Variants in CLDN10 observed in about 807,000 individuals in gnomAD.
CLDN10 encodes the protein claudin-10.
Under a neutral mutation model 22.9 loss-of-function variants are expected in CLDN10, and 15 were observed. That is an observed-to-expected ratio of 0.65 (90% confidence interval 0.44 to 1.01). The LOEUF is 1.01. Among genes scored for constraint, CLDN10 ranks in the 50% least tolerant of loss-of-function variants. The probability of loss-of-function intolerance (pLI) is 0.00; values close to 1 mark genes in which losing one functional copy is unlikely to be tolerated. For missense variants in CLDN10, 247 were observed against 287.8 expected (o/e 0.86, Z 1.03); for synonymous variants, 114 against 111.4 (o/e 1.02, Z -0.15).
chr13:95,434,252 T>A (rs1024727478), intron 1 of CLDN10, among the ~76,000 whole-genome samples: 4 of 152,106 alleles, frequency 2.6e-5, no homozygotes, highest in Admixed American at 6.5e-5. Context: ...GATGTAAGAA[T>A]AACCTTACAG....
At position 95,577,273 on chromosome 13, in the gene CLDN10, C is replaced by T. The variant is rs766469952; in HGVS notation, c.507C>T (p.Ala169=). ...CTCTGTTTATTGGATGGGCAGGAGC[C>T]TCACTGTGCATAATTGGTGGTGTCA... ...GAALFIGWAG[A]SLCIIGGVIF... Residue 169 remains alanine (A), a synonymous_variant, in exon 4 of 5, where the codon GCC becomes GCT. Transcript: ENST00000299339. The T allele has an allele frequency of 3.7e-5, 59 of 1,614,006 alleles. No individual in the cohort carries two copies. The highest frequency in any genetic ancestry group is 4.7e-5 in the Non-Finnish European group (56 of 1,180,014).
Position 95,467,854 on chromosome 13 carries a change from G to A in CLDN10, c.214+33807G>A, listed in dbSNP as rs1375933325. 2.0e-5 allele frequency among the ~76,000 whole-genome samples: 3 copies of A among 152,172 alleles called. No homozygotes were observed. The East Asian group carries it at 5.8e-4, about 29-fold the overall frequency. ...GCAGGCTCAAAACTCAGGAAGAGCT[G>A]ATGTTTCAGTTCTGGTTCAAAGACA... On this transcript the variant is annotated intron_variant, in intron 1 of 4. Coordinates refer to the CLDN10 transcript ENST00000376873.
intron 3 of CLDN10, among the ~76,000 whole-genome samples, chr13:95,572,575 A>C (rs1348134900): frequency 6.6e-6 from 1 of 152,240 alleles, no homozygotes; most frequent in Non-Finnish European, 1.5e-5. Flanking sequence ...ATGAGCTGAC[A>C]GTAATAGTAG....
At chr13:95,508,705 T>C (rs2043064960) in intron 1 of CLDN10, among the ~76,000 whole-genome samples, 1 of 152,214 alleles carries the variant, frequency 6.6e-6, no homozygotes, top group Non-Finnish European at 1.5e-5. Context: ...CTGGACATCA[T>C]GGGAGACTTC....
At chr13:95,562,192 G>A (rs1018248221) in intron 3 of CLDN10, among the ~76,000 whole-genome samples, 5 of 151,572 alleles carry the variant, frequency 3.3e-5, no homozygotes, top group African/African-American at 4.9e-5. Flanking sequence ...TCAGCCTCCC[G>A]AAGTGCTGGG....
At position 95,552,989 on chromosome 13, in the gene CLDN10, GC is replaced by G; in HGVS notation, c.220+21del. ...GCGCTGGACGGTCTGCATCCCCGCGGCCCCCGCCCTCAGCCCTCCTTCCTTG... is the reference window on the plus strand; with the variant it reads ...GCGCTGGACGGTCTGCATCCCCGCGGCCCCGCCCTCAGCCCTCCTTCCTTG... On this transcript the variant is annotated intron_variant, in intron 1 of 4. Coordinates refer to ENST00000299339, the MANE Select transcript of CLDN10 (RefSeq NM_006984.5). The G allele has an allele frequency of 6.2e-7, 1 of 1,612,602 alleles. No homozygotes were observed. Among genetic ancestry groups the G allele is most frequent in the Non-Finnish European group, 8.5e-7 (1 of 1,179,646 alleles).
At chr13:95,458,892 G>A (rs1232344691) in intron 1 of CLDN10, among the ~76,000 whole-genome samples, 2 of 152,094 alleles carry the variant, frequency 1.3e-5, no homozygotes, top group African/African-American at 2.4e-5. Flanking sequence ...TTCCACCTAT[G>A]AGCCTGTAAA....
chr13:95,519,961 A>G (rs946483826), intron 1 of CLDN10, among the ~76,000 whole-genome samples: 14 of 152,244 alleles, frequency 9.2e-5, no homozygotes, highest in Admixed American at 1.3e-4. Context: ...GTGCAAAGAA[A>G]GAGTTGCTCA....
chr13:95,449,023 AC>A (rs1251696466), intron 1 of CLDN10, among the ~76,000 whole-genome samples: 6 of 151,630 alleles, frequency 4.0e-5, no homozygotes, highest in African/African-American at 1.5e-4. Context: ...ATAGGCATGA[AC>A]CACCGTGCCC....
At chr13:95,528,104 C>G (rs34907341) in intron 1 of CLDN10, among the ~76,000 whole-genome samples, 15,148 of 152,128 alleles carry the variant, frequency 0.1, 926 homozygotes, top group Middle Eastern at 0.13. Context: ...TATAATGCCA[C>G]CATATACAAG....
intron 3 of CLDN10, among the ~76,000 whole-genome samples, chr13:95,571,264 T>C (rs2043855864): frequency 2.0e-5 from 3 of 152,142 alleles, no homozygotes; most frequent in Non-Finnish European, 4.4e-5. Context: ...ATAATGGGCA[T>C]ATGTCTGTTA....
chr13:95,571,313 C>A (rs149131345), intron 3 of CLDN10, among the ~76,000 whole-genome samples: 4,753 of 152,160 alleles, frequency 0.031, 145 homozygotes, highest in Middle Eastern at 0.075. Flanking sequence ...TGTTTAGGTA[C>A]CCCCTCCCAA....
chr13:95,482,840 A>G (rs7328095), intron 1 of CLDN10, among the ~76,000 whole-genome samples: 89,874 of 151,644 alleles, frequency 0.59, 27,835 homozygotes, highest in African/African-American at 0.79. Flanking sequence ...TTAGCTTGGC[A>G]TGGTGGCGTG....
At chr13:95,444,338 T>A (rs2042352050) in intron 1 of CLDN10, among the ~76,000 whole-genome samples, 1 of 152,206 alleles carries the variant, frequency 6.6e-6, no homozygotes, top group Admixed American at 6.5e-5. Flanking sequence ...AGGCAGCAGG[T>A]CTACAATTAA....
At chr13:95,566,545 C>T (rs1350354178) in intron 3 of CLDN10, among the ~76,000 whole-genome samples, 1 of 152,130 alleles carries the variant, frequency 6.6e-6, no homozygotes. Flanking sequence ...GGGTAGATTG[C>T]AAAAATTTTC....
At chr13:95,528,359 C>T (rs2043306976) in intron 1 of CLDN10, 2 of 152,252 alleles carry the variant, frequency 1.3e-5, no homozygotes, top group African/African-American at 2.4e-5. Flanking sequence ...TTGCCTTCCA[C>T]CATGAATGAG....
At chr13:95,549,423 A>G (rs771532665), upstream of CLDN10, among the ~76,000 whole-genome samples, 13 of 152,164 alleles carry the variant, frequency 8.5e-5, no homozygotes, top group Non-Finnish European at 1.8e-4. Flanking sequence ...AAAACAAGAC[A>G]TTTATCCATT....
In CLDN10 at chr13:95,492,745, G is replaced by T. The variant is rs139016566; in HGVS notation, c.214+58698G>T. 4.2e-4 allele frequency among the ~76,000 whole-genome samples: 64 copies of T among 152,226 alleles called. 1 individual carries two copies. The East Asian group carries it at 0.012, about 28-fold the overall frequency. On this transcript the variant is annotated intron_variant, in intron 1 of 4. Transcript: ENST00000376873. ...CTAGAGAATTCCTTCTCCCTATGGA[G>T]TTTTACCCCCTTCTCCTCTGGCCAC...
At chr13:95,451,278 T>G (rs1482753144) in intron 1 of CLDN10, among the ~76,000 whole-genome samples, 1 of 152,254 alleles carries the variant, frequency 6.6e-6, no homozygotes, top group East Asian at 1.9e-4. Context: ...TCTGTGCTTC[T>G]GCTCATGCCA....
Sources: allele counts gnomAD v4.1 joint callset (sites outside exome capture counted in the v4.1 genomes callset), GRCh38; gene constraint gnomAD v4.1.1; transcripts MANE v1.5; gene names NCBI Gene and HGNC (gene_info 2026-07-23, HGNC 2026-07-21).